Variants in NCOA3 observed in about 807,000 individuals in gnomAD.
NCOA3 encodes the protein CBP-interacting protein.
In NCOA3, 51 loss-of-function variants were observed where a neutral mutation model predicts 158.8. The observed-to-expected ratio is 0.32, with a 90% CI of 0.26 to 0.41. The LOEUF (loss-of-function observed/expected upper bound fraction) is 0.41, where lower values mean the gene tolerates loss of function less well. NCOA3 is among the 10% of genes least tolerant of loss of function. The pLI, the probability that NCOA3 is intolerant of heterozygous loss-of-function variation, is 1.00. For missense variants in NCOA3, 1,510 were observed against 1,746.6 expected, an observed-to-expected ratio of 0.86 and a Z score of 2.41; for synonymous variants, 537 against 592.4, an observed-to-expected ratio of 0.91 and a Z score of 1.36.
intron 1 of NCOA3, among the ~76,000 whole-genome samples, chr20:47,558,230 G>GTTTTTTTTT (rs1169500513): frequency 4.4e-5 from 2 of 45,548 alleles, no homozygotes; most frequent in African/African-American, 1.8e-4. Flanking sequence ...AGCTAATTTT[G>GTTTTTTTTT]TATTTTTTTT....
At chr20:47,560,903 T>C (rs1419211261) in intron 1 of NCOA3, among the ~76,000 whole-genome samples, 2 of 152,026 alleles carry the variant, frequency 1.3e-5, no homozygotes, top group African/African-American at 4.8e-5. Context: ...TTGTGGTGAT[T>C]TCTGAGTTTT....
chr20:47,521,632 A>G (rs1213865628), intron 1 of NCOA3, among the ~76,000 whole-genome samples: 1 of 152,286 alleles, frequency 6.6e-6, no homozygotes, highest in East Asian at 1.9e-4. Flanking sequence ...ACAATGAGTC[A>G]GGGTGGAGCA....
rs2086829919 is a variant in NCOA3, at chr20:47,653,430, A to G, written c.*13A>G. On this transcript the variant is annotated 3_prime_UTR_variant, in exon 23 of 23. Coordinates refer to ENST00000371998, the MANE Select transcript of NCOA3 (RefSeq NM_181659.3). ...GAAATACTGCTGACATCTCTGCACCAGGACCTCTTAAGGAAACCACTGTAC... is the reference window on the plus strand; with the variant it reads ...GAAATACTGCTGACATCTCTGCACCGGGACCTCTTAAGGAAACCACTGTAC... The G allele has an allele frequency of 1.3e-6, 2 of 1,597,826 alleles. No individual in the cohort carries two copies. The highest frequency in any genetic ancestry group is 1.7e-5 in the Admixed American group (1 of 58,258).
intron 1 of NCOA3, among the ~76,000 whole-genome samples, chr20:47,565,278 G>A (rs1319348208): frequency 6.6e-6 from 1 of 152,152 alleles, no homozygotes; most frequent in African/African-American, 2.4e-5. Flanking sequence ...ACGGTGCCTG[G>A]CCCCAGATGT....
At chr20:47,580,498 A>G (rs1402489297) in intron 1 of NCOA3, among the ~76,000 whole-genome samples, 3 of 151,912 alleles carry the variant, frequency 2.0e-5, no homozygotes, top group Non-Finnish European at 2.9e-5. Flanking sequence ...AGAGGTTGCA[A>G]TGAGCCGAGA....
At chr20:47,599,467 T>A (rs573633909) in intron 2 of NCOA3, among the ~76,000 whole-genome samples, 1 of 152,138 alleles carries the variant, frequency 6.6e-6, no homozygotes, top group East Asian at 1.9e-4. Context: ...TAAAATTGAT[T>A]ACAGTGAGAG....
intron 1 of NCOA3, among the ~76,000 whole-genome samples, chr20:47,526,250 G>C (rs918305160): frequency 2.6e-5 from 4 of 151,694 alleles, no homozygotes; most frequent in Non-Finnish European, 5.9e-5. Context: ...CATGGTGGCC[G>C]GGCAGAGACG....
At chr20:47,531,925 C>T (rs2084553482) in intron 1 of NCOA3, among the ~76,000 whole-genome samples, 2 of 152,014 alleles carry the variant, frequency 1.3e-5, no homozygotes, top group South Asian at 2.1e-4. Flanking sequence ...AGTCCTTGAC[C>T]CCTCAAACGT....
chr20:47,623,382 CTA>C (rs1420409561), intron 3 of NCOA3, among the ~76,000 whole-genome samples: 2 of 152,318 alleles, frequency 1.3e-5, no homozygotes, highest in East Asian at 3.9e-4. Context: ...GGCCACCTAG[CTA>C]ACAAAGATGG....
chr20:47,613,922 T>A (rs2086087458), intron 2 of NCOA3, among the ~76,000 whole-genome samples: 1 of 151,054 alleles, frequency 6.6e-6, no homozygotes, highest in African/African-American at 2.4e-5. Flanking sequence ...AAAAAAAAAT[T>A]AAAAAAAATT....
At chr20:47,574,768 G>T (rs1361277792) in intron 1 of NCOA3, among the ~76,000 whole-genome samples, 1 of 152,038 alleles carries the variant, frequency 6.6e-6, no homozygotes, top group African/African-American at 2.4e-5. Flanking sequence ...GCTTAGCATT[G>T]TGTTGAATGT....
At chr20:47,518,512 C>T (rs2084272255) in intron 1 of NCOA3, among the ~76,000 whole-genome samples, 1 of 151,100 alleles carries the variant, frequency 6.6e-6, no homozygotes. Context: ...CAACCTCCAC[C>T]TCCCGGGTTT....
intron 1 of NCOA3, among the ~76,000 whole-genome samples, 199 bp downstream of exon 1, chr20:47,502,218 G>A (rs990087490): frequency 6.6e-6 from 1 of 152,172 alleles, no homozygotes; most frequent in African/African-American, 2.4e-5. Flanking sequence ...CCCGGGGGGC[G>A]GCCCGCGGCG....
chr20:47,512,005 A>T (rs2084149876), intron 1 of NCOA3, among the ~76,000 whole-genome samples: 1 of 152,132 alleles, frequency 6.6e-6, no homozygotes, highest in East Asian at 1.9e-4. Flanking sequence ...CTTGTACCCC[A>T]TAAATTTATA....
rs71183264 is a variant in NCOA3 at position 47,567,012 on chromosome 20, CTATGTATG to C, written c.-98-16127_-98-16120del. On this transcript the variant is annotated intron_variant, in intron 1 of 22. Transcript: ENST00000371998. Reference sequence around the variant, plus strand: ...TACTAACAGTTTACATGGTATAGTACTATGTATGTATGTATGTATGTATGTATGTATGT... The same window carrying C: ...TACTAACAGTTTACATGGTATAGTACTATGTATGTATGTATGTATGTATGT... Among the ~76,000 whole-genome samples, 1,119 of 145,396 alleles carry C rather than the reference CTATGTATG, an allele frequency of 7.7e-3. 12 individuals are homozygous for C. The highest frequency in any genetic ancestry group is 0.019 in the African/African-American group (737 of 39,036).
At chr20:47,589,990 G>A (rs1226695075) in intron 2 of NCOA3, among the ~76,000 whole-genome samples, 1 of 141,604 alleles carries the variant, frequency 7.1e-6, no homozygotes, top group Non-Finnish European at 1.6e-5. Flanking sequence ...TTGTGGAAGT[G>A]AGGTATCACT....
intron 1 of NCOA3, among the ~76,000 whole-genome samples, chr20:47,514,452 A>G (rs939767795): frequency 6.6e-6 from 1 of 152,116 alleles, no homozygotes; most frequent in Non-Finnish European, 1.5e-5. Flanking sequence ...CAGTGGTACA[A>G]TCTTGACTCA....
At position 47,591,262 on chromosome 20, in the gene NCOA3, A is replaced by G. The variant is rs2085633738; in HGVS notation, c.-20+8001A>G. Among the ~76,000 whole-genome samples, 4 of 152,246 alleles carry G rather than the reference A, an allele frequency of 2.6e-5. No homozygotes were observed. The South Asian group carries it at 6.2e-4, about 24-fold the overall frequency. On this transcript the variant is annotated intron_variant, in intron 2 of 22. Transcript: ENST00000371998. The stretch of plus-strand genomic sequence containing the variant: ...GTAGTCACTTTTAAGTTGTCTGCTT[A>G]GATGTTTAAGATACCTAGACATTTT...
At position 47,593,334 on chromosome 20, in the gene NCOA3, A is replaced by ATTTTTTTT. The variant is rs71183267; in HGVS notation, c.-20+10094_-20+10101dup. 1.5e-3 allele frequency among the ~76,000 whole-genome samples: 97 copies of ATTTTTTTT among 63,756 alleles called. 6 individuals carry two copies. The highest frequency in any genetic ancestry group is 0.017 in the Middle Eastern group (1 of 58). 41.8% of individuals were successfully genotyped at this position (63,756 alleles called of 152,430 possible). ...GGAGTACCTCCTCTTGAGTTGATGGATTTTTTTTTTTTTTTTTTTTTTTTT... is the reference window on the plus strand; with the variant it reads ...GGAGTACCTCCTCTTGAGTTGATGGATTTTTTTTTTTTTTTTTTTTTTTTTTTTTTTTT... On this transcript the variant is annotated intron_variant, in intron 2 of 22. Coordinates refer to ENST00000371998, the MANE Select transcript of NCOA3 (RefSeq NM_181659.3).
Sources: gnomAD v4.1 joint callset for allele counts (sites outside exome capture counted in the v4.1 genomes callset) on GRCh38, gnomAD v4.1.1 for gene constraint, MANE v1.5 for transcripts, NCBI Gene and HGNC (gene_info 2026-07-23, HGNC 2026-07-21) for gene names.